The following TSGA10 variants were observed in gnomAD, a reference collection of about 807,000 sequenced individuals.
The protein encoded by TSGA10 is testis-specific gene 10 protein.
In TSGA10, 43 loss-of-function variants were observed where a neutral mutation model predicts 96.6. The observed-to-expected ratio is 0.44, with a 90% CI of 0.35 to 0.57. TSGA10 has a LOEUF of 0.57. Ranked by LOEUF, TSGA10 falls within the 20% of genes least tolerant of loss-of-function variation. The pLI is 0.01. For synonymous variants in TSGA10, 229 were observed against 269.9 expected, an observed-to-expected ratio of 0.85 and a Z score of 1.48; for missense variants, 703 against 834.4, an observed-to-expected ratio of 0.84 and a Z score of 1.94.
chr2:99,096,713 G>A (rs911399829), intron 10 of TSGA10, among the ~76,000 whole-genome samples: 1 of 152,096 alleles, frequency 6.6e-6, no homozygotes, highest in Non-Finnish European at 1.5e-5. Context: ...GAAACGAGGA[G>A]GCAACAGAAA....
intron 16 of TSGA10, among the ~76,000 whole-genome samples, chr2:99,038,755 C>A (rs2081906885): frequency 6.6e-6 from 1 of 152,050 alleles, no homozygotes; most frequent in African/African-American, 2.4e-5. Flanking sequence ...TAAAAAGAAA[C>A]AATGGACTTA....
chr2:99,148,948 T>C (rs1274448313), intron 1 of TSGA10, among the ~76,000 whole-genome samples: 1 of 152,102 alleles, frequency 6.6e-6, no homozygotes, highest in East Asian at 1.9e-4. Flanking sequence ...GTAAATGTTA[T>C]ATATATTTTA....
intron 11 of TSGA10, among the ~76,000 whole-genome samples, chr2:99,080,210 C>CT (rs1009420299): frequency 6.6e-6 from 1 of 152,026 alleles, no homozygotes; most frequent in Non-Finnish European, 1.5e-5. Context: ...TCCATTCAAA[C>CT]TTTTTTTTGG....
intron 20 of TSGA10, among the ~76,000 whole-genome samples, chr2:99,004,078 A>C (rs1397720902): frequency 6.6e-6 from 1 of 152,250 alleles, no homozygotes; most frequent in African/African-American, 2.4e-5. Flanking sequence ...AAAAGAGAGA[A>C]GAATCAAATA....
intron 20 of TSGA10, among the ~76,000 whole-genome samples, chr2:99,017,764 CAAAAA>C (rs1252515584): frequency 3.0e-5 from 2 of 66,462 alleles, no homozygotes; most frequent in South Asian, 5.3e-4. Flanking sequence ...GACTCCGTCT[CAAAAA>C]AAAAAAAAAA....
intron 1 of TSGA10, among the ~76,000 whole-genome samples, chr2:99,144,821 G>A (rs1003339982): frequency 6.6e-6 from 1 of 152,108 alleles, no homozygotes; most frequent in Non-Finnish European, 1.5e-5. Flanking sequence ...CAGGCTGGGG[G>A]AACTGTAAGT....
intron 14 of TSGA10, among the ~76,000 whole-genome samples, chr2:99,071,181 T>G (rs2085916705): frequency 6.6e-6 from 1 of 152,068 alleles, no homozygotes; most frequent in South Asian, 2.1e-4. Context: ...ATTTTCCAAA[T>G]AGGATTTTTA....
intron 1 of TSGA10, among the ~76,000 whole-genome samples, chr2:99,144,043 T>TG (rs1315533031): frequency 4.6e-5 from 7 of 152,014 alleles, no homozygotes; most frequent in Admixed American, 3.3e-4. Flanking sequence ...TTTTTTGAGA[T>TG]GGAGTCTCGC....
intron 11 of TSGA10, 21 bp downstream of exon 11, chr2:99,081,261 T>C (rs1372845437): frequency 3.8e-6 from 5 of 1,329,514 alleles, no homozygotes; most frequent in Non-Finnish European, 5.2e-6. Flanking sequence ...CTAAAAGTAA[T>C]ATTAAGAGAA....
At position 99,154,707 on chromosome 2, in the gene TSGA10, G is replaced by C; in HGVS notation, c.-635C>G. The C allele has an allele frequency of 4.6e-6, 1 of 219,296 alleles. No individual in the cohort carries two copies. Among genetic ancestry groups the C allele is most frequent in the Non-Finnish European group, 9.5e-6 (1 of 105,178 alleles). The allele number at this position is 219,296 out of a possible 1,614,324, so 13.6% of individuals were successfully genotyped here. ...CGCTCTCCTACCTTCGCCCAGGGCT[G>C]GCCGTTATCTCTGTGCTGTCACGCG... is the stretch of plus-strand genomic sequence containing the variant. On this transcript the variant is annotated 5_prime_UTR_variant, in exon 1 of 21. Coordinates refer to ENST00000393483, the MANE Select transcript of TSGA10 (RefSeq NM_025244.4).
At chr2:99,023,428 T>A (rs750119391) in intron 17 of TSGA10, among the ~76,000 whole-genome samples, 17 of 152,158 alleles carry the variant, frequency 1.1e-4, no homozygotes, top group Non-Finnish European at 2.2e-4. Context: ...TGATCAAGTC[T>A]ACTTAATCTA....
At chr2:99,000,902 G>A (rs896964762) in intron 20 of TSGA10, among the ~76,000 whole-genome samples, 4 of 152,188 alleles carry the variant, frequency 2.6e-5, no homozygotes, top group Non-Finnish European at 1.5e-5. Flanking sequence ...GAACTGCGAG[G>A]TGGCAGCAAG....
intron 10 of TSGA10, among the ~76,000 whole-genome samples, chr2:99,096,777 C>A (rs1559001900): frequency 6.6e-6 from 1 of 152,170 alleles, no homozygotes; most frequent in Non-Finnish European, 1.5e-5. Flanking sequence ...ATCAATCACC[C>A]ACACACTTTA....
intron 1 of TSGA10, among the ~76,000 whole-genome samples, chr2:99,143,677 G>A (rs186919492): frequency 3.0e-4 from 45 of 151,688 alleles, no homozygotes; most frequent in African/African-American, 1.1e-3. Flanking sequence ...TCACCATGTT[G>A]CCCAGGCTGG....
intron 16 of TSGA10, among the ~76,000 whole-genome samples, chr2:99,051,875 T>G (rs972929405): frequency 1.3e-5 from 2 of 151,618 alleles, no homozygotes; most frequent in African/African-American, 4.8e-5. Context: ...TAGTCCAAAA[T>G]AACCAATGGG....
chr2:99,065,559 G>T (rs1234684318), intron 15 of TSGA10, among the ~76,000 whole-genome samples: 1 of 152,164 alleles, frequency 6.6e-6, no homozygotes, highest in East Asian at 1.9e-4. Context: ...TGGCTACAGA[G>T]CTTCTGAGTA....
At chr2:99,133,055 T>C (rs1314874151) in intron 1 of TSGA10, among the ~76,000 whole-genome samples, 2 of 152,194 alleles carry the variant, frequency 1.3e-5, no homozygotes, top group Non-Finnish European at 2.9e-5. Context: ...CTGAGAAGAA[T>C]GTATATTCTG....
At chr2:99,128,296 G>A (rs1300412853) in intron 1 of TSGA10, among the ~76,000 whole-genome samples, 2 of 152,060 alleles carry the variant, frequency 1.3e-5, no homozygotes, top group African/African-American at 4.8e-5. Context: ...TGCCCCACCT[G>A]GAACCTCAAC....
chr2:99,046,790 T>G lies in TSGA10; in HGVS notation c.1405-11351A>C, dbSNP rs560783751. Among the ~76,000 whole-genome samples, 6 of 152,266 alleles carry G rather than the reference T, an allele frequency of 3.9e-5. No homozygotes were observed. The East Asian group carries it at 1.2e-3, about 29-fold the overall frequency. On this transcript the variant is annotated intron_variant, in intron 16 of 20. Transcript: ENST00000393483. ...AAAATCAATGAATCCAGGACCTGGT[T>G]TTTTGAAAAGATCAACAAAACTGAT...
Sources: gnomAD v4.1 joint callset for allele counts (sites outside exome capture counted in the v4.1 genomes callset) on GRCh38, gnomAD v4.1.1 for gene constraint, MANE v1.5 for transcripts, NCBI Gene and HGNC (gene_info 2026-07-23, HGNC 2026-07-21) for gene names.